ZNG1B: variants seen among roughly 807,000 people sequenced by gnomAD.
The protein encoded by ZNG1B is zinc-regulated GTPase metalloprotein activator 1B.
At chr2:113,482,027 G>A in the ZNG1B span, 54 of 982,562 alleles carry the variant, frequency 5.5e-5, no homozygotes, top group Non-Finnish European at 7.2e-5. Context: ...TTCTCTATTG[G>A]AATTTGCGAA....
chr2:113,439,468 A>G, the ZNG1B span, among the ~76,000 whole-genome samples: 7 of 152,194 alleles, frequency 4.6e-5, no homozygotes, highest in Non-Finnish European at 5.9e-5. Flanking sequence ...GTAATACTCT[A>G]AAAGCCTCCT....
At chr2:113,476,798 C>T in the ZNG1B span, among the ~76,000 whole-genome samples, 3 of 152,202 alleles carry the variant, frequency 2.0e-5, no homozygotes, top group Non-Finnish European at 4.4e-5. Context: ...CAGTCTGCCT[C>T]TGCTAGGGAG....
chr2:113,475,275 G>A, the ZNG1B span, among the ~76,000 whole-genome samples: 1 of 151,222 alleles, frequency 6.6e-6, no homozygotes, highest in East Asian at 1.9e-4. Context: ...ATCTTTGTTG[G>A]TTGAAAGTCT....
chr2:113,457,243 T>G, the ZNG1B span: 143 of 416,064 alleles, frequency 3.4e-4, no homozygotes, highest in African/African-American at 2.6e-3. Flanking sequence ...TCTGTTATAT[T>G]GCACAATCTG....
At chr2:113,453,909 CCTTA>C in the ZNG1B span, among the ~76,000 whole-genome samples, 2 of 151,934 alleles carry the variant, frequency 1.3e-5, no homozygotes, top group Admixed American at 6.6e-5. Flanking sequence ...AACACTCCTC[CCTTA>C]CTTTATTTAC....
At chr2:113,457,974 A>C in the ZNG1B span, among the ~76,000 whole-genome samples, 1 of 145,244 alleles carries the variant, frequency 6.9e-6, no homozygotes, top group Non-Finnish European at 1.5e-5. Flanking sequence ...TAGCCTTTTG[A>C]ATATGTTGGA....
the ZNG1B span, among the ~76,000 whole-genome samples, chr2:113,439,585 A>G: frequency 2.6e-5 from 4 of 152,180 alleles, no homozygotes; most frequent in African/African-American, 9.7e-5. Flanking sequence ...TGGCATCCCT[A>G]TGGGTTAAAA....
the ZNG1B span, among the ~76,000 whole-genome samples, chr2:113,477,360 CCTCGCCCTGCTTCG>C: frequency 2.0e-5 from 3 of 152,172 alleles, no homozygotes; most frequent in Non-Finnish European, 2.9e-5. Context: ...TGAGGCAATG[CCTCGCCCTGCTTCG>C]GCTCGCGGAT....
At chr2:113,453,344 C>T in the ZNG1B span, 262,620 of 1,236,322 alleles carry the variant, frequency 0.21, 27,121 homozygotes, top group East Asian at 0.51. Context: ...CCTTTACCTC[C>T]TGGGTTCAAG....
chr2:113,452,273 G>A, the ZNG1B span, among the ~76,000 whole-genome samples: 1 of 151,982 alleles, frequency 6.6e-6, no homozygotes, highest in African/African-American at 2.4e-5. Context: ...ACAGCTGACA[G>A]GTATTTCATT....
the ZNG1B span, among the ~76,000 whole-genome samples, chr2:113,447,106 A>G: frequency 2.5e-3 from 344 of 137,358 alleles, 1 homozygote; most frequent in African/African-American, 9.2e-3. Flanking sequence ...TGAGTCACAC[A>G]CATTTTTTTG....
chr2:113,484,882 C>T, the ZNG1B span, among the ~76,000 whole-genome samples: 1 of 151,442 alleles, frequency 6.6e-6, no homozygotes, highest in Non-Finnish European at 1.5e-5. Flanking sequence ...CCATGTTGGC[C>T]AAGCTGGTCT....
the ZNG1B span, among the ~76,000 whole-genome samples, chr2:113,443,069 C>G: frequency 2.0e-5 from 3 of 151,212 alleles, no homozygotes; most frequent in Non-Finnish European, 2.9e-5. Context: ...CCCGGGTTCA[C>G]GCCATTCTCC....
At chr2:113,459,098 GA>G in the ZNG1B span, among the ~76,000 whole-genome samples, 1 of 152,004 alleles carries the variant, frequency 6.6e-6, no homozygotes, top group African/African-American at 2.4e-5. Context: ...GATGAATTAT[GA>G]AAAAAATATT....
the ZNG1B span, among the ~76,000 whole-genome samples, chr2:113,446,827 C>G: frequency 1.3e-5 from 2 of 151,614 alleles, no homozygotes; most frequent in Non-Finnish European, 2.9e-5. Context: ...CACACACACA[C>G]AAGTAGGTAA....
chr2:113,459,067 CTTG>C, the ZNG1B span, among the ~76,000 whole-genome samples: 2 of 151,992 alleles, frequency 1.3e-5, no homozygotes, highest in Non-Finnish European at 2.9e-5. Flanking sequence ...AACAATAGGA[CTTG>C]TTGTAGCCTC....
At chr2:113,462,495 G>A in the ZNG1B span, 1 of 1,594,474 alleles carries the variant, frequency 6.3e-7, no homozygotes, top group Non-Finnish European at 8.5e-7. Flanking sequence ...CGACAATTAG[G>A]TACGAAATGA....
chr2:113,447,915 G>T, the ZNG1B span: 10 of 447,674 alleles, frequency 2.2e-5, no homozygotes, highest in South Asian at 1.6e-4. Context: ...ATTGAAGTCT[G>T]GAATCCCTCA....
At chr2:113,438,961 C>A in the ZNG1B span, 9 of 1,510,170 alleles carry the variant, frequency 6.0e-6, no homozygotes, top group Non-Finnish European at 6.2e-6. Flanking sequence ...TAAGTTTATT[C>A]CCGTTTTTTG....
Sources: allele counts gnomAD v4.1 joint callset (sites outside exome capture counted in the v4.1 genomes callset), GRCh38; gene constraint gnomAD v4.1.1; transcripts MANE v1.5; gene names NCBI Gene and HGNC (gene_info 2026-07-23, HGNC 2026-07-21).